The following BRCA2 variants were observed in gnomAD, a reference collection of about 807,000 sequenced individuals.
BRCA2 encodes BRCA2 DNA repair associated.
Under a neutral mutation model 276.7 loss-of-function variants are expected in BRCA2, and 203 were observed. The observed-to-expected ratio is 0.73, with a 90% CI of 0.65 to 0.82. BRCA2 has a LOEUF of 0.82. BRCA2 is among the 40% of genes least tolerant of loss of function. The pLI is 0.00. For missense variants in BRCA2, 3,920 were observed against 3,915.0 expected (o/e 1.00, Z -0.03); for synonymous variants, 1,289 against 1,338.4 (o/e 0.96, Z 0.81).
chr13:32,345,084 G>C (rs951015078), intron 12 of BRCA2, among the ~76,000 whole-genome samples: 5 of 151,950 alleles, frequency 3.3e-5, no homozygotes, highest in Admixed American at 2.6e-4. Flanking sequence ...CAAAAATTCT[G>C]ATTTTCATCT....
intron 21 of BRCA2, among the ~76,000 whole-genome samples, chr13:32,378,090 A>G (rs1027930860): frequency 9.2e-5 from 14 of 152,190 alleles, no homozygotes; most frequent in African/African-American, 3.4e-4. Flanking sequence ...ATTTGCCTCT[A>G]TCTTTTATAA....
In BRCA2 at chr13:32,379,929, T is replaced by C. The variant is rs780689895; in HGVS notation, c.9117+16T>C. On this transcript the variant is annotated intron_variant, in intron 23 of 26. Transcript: ENST00000380152. ...ACAACTACCGGTACAAACCTTTCAT[T>C]GTAATTTTTCAGTTTTGATAAGTGC... is the stretch of plus-strand genomic sequence containing the variant. 6.2e-7 allele frequency: 1 copy of C among 1,613,114 alleles called. No individual in the cohort carries two copies. Among genetic ancestry groups the C allele is most frequent in the African/African-American group, 1.3e-5 (1 of 75,058 alleles).
At chr13:32,365,239 C>G (rs529639905) in intron 18 of BRCA2, among the ~76,000 whole-genome samples, 1 of 147,292 alleles carries the variant, frequency 6.8e-6, no homozygotes, top group African/African-American at 2.5e-5. Flanking sequence ...TGGGCTCAAA[C>G]GGTCCTCACG....
At position 32,379,503 on chromosome 13, in the gene BRCA2, G is replaced by GA. The variant is rs80359733; in HGVS notation, c.8946dup (p.Asp2983ArgfsTer35). ...GCGTATTGTAAGCTATTCAAAAAAA[G>GA]AAAAAGATTCAGGTAAGTATGTAAA... On this transcript the variant is annotated frameshift_variant, in exon 22 of 27. Coordinates refer to ENST00000380152, the MANE Select transcript of BRCA2 (RefSeq NM_000059.4). LOFTEE classifies it high-confidence loss of function. 2 of 1,612,462 alleles carry GA rather than the reference G, an allele frequency of 1.2e-6. No homozygotes were observed. The highest frequency in any genetic ancestry group is 1.7e-6 in the Non-Finnish European group (2 of 1,179,536).
intron 13 of BRCA2, among the ~76,000 whole-genome samples, chr13:32,350,353 G>C (rs2072639541): frequency 6.6e-6 from 1 of 152,142 alleles, no homozygotes; most frequent in Admixed American, 6.5e-5. Context: ...ATATAGCTAA[G>C]AGTTTAGATG....
At chr13:32,341,535 TAAC>T (rs898280277) in intron 11 of BRCA2, among the ~76,000 whole-genome samples, 13 of 152,190 alleles carry the variant, frequency 8.5e-5, no homozygotes, top group Non-Finnish European at 1.5e-5. Flanking sequence ...TTGAAACTCT[TAAC>T]AAAACCTGCA....
chr13:32,380,048 G>A lies in BRCA2; in HGVS notation c.9159G>A (p.Glu3053=), dbSNP rs1289660997. The A allele has an allele frequency of 1.2e-6, 2 of 1,613,956 alleles. No homozygotes were observed. Among genetic ancestry groups the A allele is most frequent in the Admixed American group, 1.7e-5 (1 of 59,992 alleles). Residue 3053 remains glutamate, a synonymous_variant, in exon 24 of 27, where the codon GAG becomes GAA. Transcript: ENST00000380152. ...TATTTCAGATTTACCAGCCACGGGA[G>A]CCCCTTCACTTCAGCAAATTTTTAG... ...EILFQIYQPR[E]PLHFSKFLDP... is the part of the protein sequence containing the mutation.
In BRCA2 at chr13:32,338,929, A is replaced by C. The variant is rs397507336; in HGVS notation, c.4574A>C (p.His1525Pro). 4 of 1,613,952 alleles carry C rather than the reference A, an allele frequency of 2.5e-6. No individual in the cohort carries two copies. The East Asian group carries it at 8.9e-5, about 36-fold the overall frequency. ...KIKEPTLLGF[H>P]TASGKKVKIA... Reference sequence around the variant, plus strand: ...AAAGAACCTACTCTATTGGGTTTTCATACAGCTAGCGGGAAAAAAGTTAAA... The same window carrying C: ...AAAGAACCTACTCTATTGGGTTTTCCTACAGCTAGCGGGAAAAAAGTTAAA... Residue 1525 changes from histidine to proline, a missense_variant, in exon 11 of 27, where the codon CAT (histidine) becomes CCT (proline). This residue lies in a region of BRCA2 where 3,263 missense variants were observed against 3,156.9 expected (regional missense o/e 1.03). Transcript: ENST00000380152.
intron 12 of BRCA2, among the ~76,000 whole-genome samples, chr13:32,346,522 G>T (rs2072611964): frequency 6.6e-6 from 1 of 151,992 alleles, no homozygotes; most frequent in Admixed American, 6.5e-5. Context: ...ACCTTCATAA[G>T]ACTAAATTTT....
rs276174799 is a variant in BRCA2 at position 32,316,406 on chromosome 13, G to A, written c.-39-16G>A. ...TGCATCCCTGTGTAAGTGCATTTTGGTCTTCTGTTTTGCAGACTTATTTAC... is the reference window on the plus strand; with the variant it reads ...TGCATCCCTGTGTAAGTGCATTTTGATCTTCTGTTTTGCAGACTTATTTAC... On this transcript the variant is annotated splice_polypyrimidine_tract_variant and intron_variant, in intron 1 of 26. Coordinates refer to ENST00000380152, the MANE Select transcript of BRCA2 (RefSeq NM_000059.4). The A allele has an allele frequency of 6.0e-6, 9 of 1,492,708 alleles. No individual in the cohort carries two copies. Among genetic ancestry groups the A allele is most frequent in the South Asian group, 1.1e-5 (1 of 87,944 alleles). 92.5% of individuals were successfully genotyped at this position (1,492,708 alleles called of 1,614,324 possible). A position where few individuals can be genotyped will look rare whatever the true frequency, so the allele number is the denominator to read the frequency against.
intron 11 of BRCA2, among the ~76,000 whole-genome samples, chr13:32,342,088 A>G (rs889991661): frequency 2.0e-5 from 3 of 152,088 alleles, no homozygotes; most frequent in Non-Finnish European, 4.4e-5. Context: ...CCTGACCAAC[A>G]TGGTGAAACC....
intron 18 of BRCA2, among the ~76,000 whole-genome samples, chr13:32,369,506 C>T (rs1455010697): frequency 6.6e-6 from 1 of 152,132 alleles, no homozygotes; most frequent in Non-Finnish European, 1.5e-5. Context: ...TGTGTAGTTT[C>T]TCATATACTT....
At chr13:32,358,053 T>A in intron 16 of BRCA2, 124 bp downstream of exon 16, 2 of 1,001,530 alleles carry the variant, frequency 2.0e-6, no homozygotes, top group Non-Finnish European at 1.5e-6. Flanking sequence ...TTAATTGTTT[T>A]AAGTGCATTA....
chr13:32,389,737 C>A (rs1408407226), intron 24 of BRCA2, among the ~76,000 whole-genome samples: 2 of 152,172 alleles, frequency 1.3e-5, no homozygotes, highest in Non-Finnish European at 2.9e-5. Flanking sequence ...GACTGTGTTT[C>A]CAGATAAGGC....
Position 32,398,892 on chromosome 13 carries a change from A to T in BRCA2, c.*122A>T. ...ACAATGAGAAAAGAAATTAGTTTCAAATTTACCTCAGCGTTTGTGTATCGG... is the reference window on the plus strand; with the variant it reads ...ACAATGAGAAAAGAAATTAGTTTCATATTTACCTCAGCGTTTGTGTATCGG... On this transcript the variant is annotated 3_prime_UTR_variant, in exon 27 of 27. Coordinates refer to ENST00000380152, the MANE Select transcript of BRCA2 (RefSeq NM_000059.4). 7.6e-7 allele frequency: 1 copy of T among 1,308,058 alleles called. No individual in the cohort carries two copies. The allele number at this position is 1,308,058 out of a possible 1,614,324, so 81.0% of individuals were successfully genotyped here.
Position 32,316,467 on chromosome 13 carries a change from A to G in BRCA2, c.7A>G (p.Ile3Val), listed in dbSNP as rs770479195. 7 of 1,613,650 alleles carry G rather than the reference A, an allele frequency of 4.3e-6. No individual in the cohort carries two copies. Among genetic ancestry groups the G allele is most frequent in the South Asian group, 2.2e-5 (2 of 91,078 alleles). The change falls in exon 2 of 27, where the codon ATT becomes GTT. Residue 3 changes from isoleucine to valine, a missense_variant. Physicochemically the swap from Ile to Val is conservative, Grantham distance 29. Around this residue, in one of 2 missense-constraint regions of BRCA2, gnomAD observed 3,263 missense variants for 3,156.9 expected, o/e 1.03. Coordinates refer to ENST00000380152, the MANE Select transcript of BRCA2 (RefSeq NM_000059.4). ...AGGAATATCGTAGGTAAAAATGCCT[A>G]TTGGATCCAAAGAGAGGCCAACATT... Reference protein sequence around the residue: MPIGSKERPTFFE... With the variant: MPVGSKERPTFFE...
At position 32,332,592 on chromosome 13, in the gene BRCA2, A is replaced by T. The variant is rs144848; in HGVS notation, c.1114A>T (p.Asn372Tyr). The change falls in exon 10 of 27, where the codon AAT (asparagine) becomes TAT (tyrosine). Residue 372 changes from asparagine to tyrosine, a missense_variant. By Grantham distance (143) the Asn-to-Tyr change is moderately radical (BLOSUM62 -2). Transcript: ENST00000380152. ...TGATCCATTAGATTCAAATGTAGCA[A>T]ATCAGAAGCCCTTTGAGAGTGGAAG... ...DTDPLDSNVA[N>Y]QKPFESGSDK... 6.2e-7 allele frequency: 1 copy of T among 1,613,600 alleles called. No homozygotes were observed. Among genetic ancestry groups the T allele is most frequent in the Non-Finnish European group, 8.5e-7 (1 of 1,179,834 alleles).
Position 32,355,237 on chromosome 13 carries a change from T to C in BRCA2, c.7384T>C (p.Ser2462Pro), listed in dbSNP as rs1593918545. ...GATTCATCAGTTTAACAAAAACAAC[T>C]CCAATCAAGCAGTAGCTGTAACTTT... Reference protein sequence around the residue: ...NEIHQFNKNNSNQAVAVTFTK... With the variant: ...NEIHQFNKNNPNQAVAVTFTK... The change falls in exon 14 of 27, where the codon TCC (serine) becomes CCC (proline). Residue 2462 changes from serine (S) to proline (P), a missense_variant. Physicochemically the swap from Ser to Pro is moderately conservative, Grantham distance 74. Around this residue, in one of 2 missense-constraint regions of BRCA2, gnomAD observed 3,263 missense variants for 3,156.9 expected, o/e 1.03. Coordinates refer to ENST00000380152, the MANE Select transcript of BRCA2 (RefSeq NM_000059.4). The C allele has an allele frequency of 5.0e-6, 8 of 1,612,954 alleles. No individual in the cohort carries two copies. The highest frequency in any genetic ancestry group is 6.8e-6 in the Non-Finnish European group (8 of 1,179,080).
In BRCA2 at chr13:32,363,234, A is replaced by G. The variant is rs80359039; in HGVS notation, c.8032A>G (p.Arg2678Gly). 1 of 1,614,060 alleles carries G rather than the reference A, an allele frequency of 6.2e-7. No homozygotes were observed. Among genetic ancestry groups the G allele is most frequent in the African/African-American group, 1.3e-5 (1 of 75,046 alleles). Residue 2678 changes from arginine (R) to glycine (G), a missense_variant, in exon 18 of 27, where the codon AGG becomes GGG. Transcript: ENST00000380152. ...RRSAIKKIME[R>G]DDTAAKTLVL... Reference sequence around the variant, plus strand: ...ATCGGCTATAAAAAAGATAATGGAAAGGGATGACACAGCTGCAAAAACACT... The same window carrying G: ...ATCGGCTATAAAAAAGATAATGGAAGGGGATGACACAGCTGCAAAAACACT...
Sources: allele counts gnomAD v4.1 joint callset (sites outside exome capture counted in the v4.1 genomes callset), GRCh38; gene constraint gnomAD v4.1.1; regional missense constraint gnomAD v4.1.1; transcripts MANE v1.5; gene names NCBI Gene and HGNC (gene_info 2026-07-23, HGNC 2026-07-21).